Variants in SORL1 observed in about 807,000 individuals in gnomAD.
The protein encoded by SORL1 is sortilin related receptor 1.
Under a neutral mutation model 273.7 loss-of-function variants are expected in SORL1, and 127 were observed. The ratio of observed to expected loss-of-function variants is 0.46; its 90% CI spans 0.40 to 0.54. The LOEUF (loss-of-function observed/expected upper bound fraction) is 0.54. Ranked by LOEUF, SORL1 falls within the 20% of genes least tolerant of loss-of-function variation. The probability of loss-of-function intolerance (pLI) is 0.00; values close to 1 mark genes in which losing one functional copy is unlikely to be tolerated. For missense variants in SORL1, 2,494 were observed against 2,846.1 expected (o/e 0.88, Z 2.81); for synonymous variants, 1,031 against 1,067.4 (o/e 0.97, Z 0.66).
chr11:121,464,187 T>A (rs1396630416), intron 1 of SORL1, among the ~76,000 whole-genome samples: 1 of 152,336 alleles, frequency 6.6e-6, no homozygotes, highest in East Asian at 1.9e-4. Context: ...CTGCAAGCTG[T>A]GGGAGTCTAG....
chr11:121,629,429 GT>G (rs1177625302), intron 47 of SORL1, 66 bp from the exon 48 acceptor site: 1 of 824,594 alleles, frequency 1.2e-6, no homozygotes, highest in Non-Finnish European at 2.2e-6. Flanking sequence ...GGTGGGTAGA[GT>G]GGTGGGATAT....
intron 13 of SORL1, 147 bp from the exon 14 acceptor site, chr11:121,545,096 A>T: frequency 2.9e-6 from 2 of 691,990 alleles, no homozygotes; most frequent in Non-Finnish European, 4.9e-6. Flanking sequence ...CCCAGCTTCA[A>T]AACAAGCTGA....
rs750684022 is a variant in SORL1, at chr11:121,550,715, G to A, written c.2266+45G>A. On this transcript the variant is annotated intron_variant, in intron 16 of 47. Coordinates refer to ENST00000260197, the MANE Select transcript of SORL1 (RefSeq NM_003105.6). This position sits in a 1 kb window ranked among gnomAD's most constrained non-coding sequence, Gnocchi z 5.3. Reference sequence around the variant, plus strand: ...CCCTTTCATTTCTTGAGACATGGTTGAAGCAGTATCACGATCTCACCCAAG... The same window carrying A: ...CCCTTTCATTTCTTGAGACATGGTTAAAGCAGTATCACGATCTCACCCAAG... The A allele has an allele frequency of 2.0e-6, 3 of 1,498,920 alleles. No individual in the cohort carries two copies. The highest frequency in any genetic ancestry group is 1.7e-5 in the Admixed American group (1 of 58,504). 92.9% of individuals were successfully genotyped at this position (1,498,920 alleles called of 1,614,324 possible).
chr11:121,520,163 G>A (rs994266568), intron 8 of SORL1, among the ~76,000 whole-genome samples: 1 of 152,180 alleles, frequency 6.6e-6, no homozygotes, highest in Non-Finnish European at 1.5e-5. Context: ...TGAGGTGTGA[G>A]GATCATTGAG....
At chr11:121,505,454 T>A (rs1418224404) in intron 6 of SORL1, among the ~76,000 whole-genome samples, 2 of 152,048 alleles carry the variant, frequency 1.3e-5, no homozygotes, top group Non-Finnish European at 2.9e-5. Flanking sequence ...TTTCATTTAT[T>A]CCTACTGTAA....
chr11:121,559,732 C>A, intron 21 of SORL1, 75 bp downstream of exon 21: 1 of 1,425,086 alleles, frequency 7.0e-7, no homozygotes, highest in South Asian at 1.2e-5. Context: ...AATCTCTGCT[C>A]AGAGTAGGAG....
intron 2 of SORL1, among the ~76,000 whole-genome samples, chr11:121,470,695 G>C (rs925984837): frequency 1.3e-5 from 2 of 151,338 alleles, no homozygotes; most frequent in African/African-American, 2.4e-5. Flanking sequence ...TTTTTTTTGA[G>C]TTGGGGTCTG....
At chr11:121,597,700 T>TCTGCCCAC (rs1863319260) in intron 32 of SORL1, among the ~76,000 whole-genome samples, 1 of 152,190 alleles carries the variant, frequency 6.6e-6, no homozygotes, top group Non-Finnish European at 1.5e-5. Context: ...CCTCAAGTGA[T>TCTGCCCAC]CTGCCCACCT....
intron 1 of SORL1, among the ~76,000 whole-genome samples, chr11:121,463,781 C>G (rs1861039956): frequency 6.6e-6 from 1 of 152,200 alleles, no homozygotes; most frequent in African/African-American, 2.4e-5. Flanking sequence ...TGCTCGTAAA[C>G]TAGATTTCAG....
At chr11:121,604,764 C>T (rs564857962) in intron 33 of SORL1, among the ~76,000 whole-genome samples, 13 of 152,044 alleles carry the variant, frequency 8.6e-5, no homozygotes, top group African/African-American at 1.7e-4. Flanking sequence ...GAAAATATCA[C>T]GACCGGAAAA....
rs1863620353 is a variant in SORL1 at position 121,615,054 on chromosome 11, T to C, written c.5603T>C (p.Val1868Ala). 1.3e-6 allele frequency: 2 copies of C among 1,591,934 alleles called. No homozygotes were observed. The highest frequency in any genetic ancestry group is 1.4e-5 in the African/African-American group (1 of 74,028). ...VECTWTGPRN[V>A]VYGIFYATSF... ...TGTACCTGGACCGGCCCCCGGAATG[T>C]GGTGAGTCAGCCAGAATGACCATCA... The change falls in exon 41 of 48, where the codon GTG (valine) becomes GCG (alanine). Residue 1868 changes from valine (V) to alanine (A), a missense_variant and splice_region_variant. Val to Ala is a moderately conservative substitution (Grantham distance 64). Around this residue, in one of 3 missense-constraint regions of SORL1, gnomAD observed 1,609 missense variants for 1,816.4 expected, o/e 0.89. Transcript: ENST00000260197.
intron 26 of SORL1, among the ~76,000 whole-genome samples, chr11:121,584,327 C>T (rs1863060669): frequency 6.6e-6 from 1 of 152,178 alleles, no homozygotes; most frequent in Non-Finnish European, 1.5e-5. Context: ...TAGTTGCTTC[C>T]ACTAATGTAA....
At position 121,605,213 on chromosome 11, in the gene SORL1, T is replaced by A. The variant is rs3824968; in HGVS notation, c.4752T>A (p.Ala1584=). Reference sequence around the variant, plus strand: ...TGAGGCCCAAAAAAATGCCCTCTGCTTCTTGTGTATATAATGTCTACTACA... The same window carrying A: ...TGAGGCCCAAAAAAATGCCCTCTGCATCTTGTGTATATAATGTCTACTACA... ...TWMRPKKMPS[A]SCVYNVYYRV... is the part of the protein sequence containing the mutation. The change falls in exon 34 of 48, where the codon GCT becomes GCA. Residue 1584 remains alanine, a synonymous_variant. Transcript: ENST00000260197. 0.33 allele frequency: 535,983 copies of A among 1,612,564 alleles called. 95,938 individuals are homozygous for A. Among genetic ancestry groups the A allele is most frequent in the East Asian group, 0.55 (24,452 of 44,858 alleles).
intron 8 of SORL1, among the ~76,000 whole-genome samples, chr11:121,517,298 A>G (rs937473062): frequency 4.6e-5 from 7 of 151,902 alleles, no homozygotes; most frequent in African/African-American, 1.5e-4. Flanking sequence ...ATTTTTCCCT[A>G]TTTTACAGGA....
chr11:121,516,783 G>C (rs533241040), intron 8 of SORL1, among the ~76,000 whole-genome samples: 4 of 152,094 alleles, frequency 2.6e-5, no homozygotes, highest in Non-Finnish European at 1.5e-5. Flanking sequence ...GCCGGGCATG[G>C]TGGCTCACGC....
In SORL1 at chr11:121,554,449, A is replaced by G. The variant is rs1862548732; in HGVS notation, c.2439+340A>G. Reference sequence around the variant, plus strand: ...TGCCTCTTGAGCATCTTTCTTCCCAAGCCATGATACAGTAACACTTGACTT... The same window carrying G: ...TGCCTCTTGAGCATCTTTCTTCCCAGGCCATGATACAGTAACACTTGACTT... On this transcript the variant is annotated intron_variant, in intron 17 of 47. Coordinates refer to ENST00000260197, the MANE Select transcript of SORL1 (RefSeq NM_003105.6). The surrounding 1 kb of genome is among the most constrained non-coding windows in gnomAD (Gnocchi z 4.6). Among the ~76,000 whole-genome samples, 1 of 152,180 alleles carries G rather than the reference A, an allele frequency of 6.6e-6. No individual in the cohort carries two copies. The highest frequency in any genetic ancestry group is 2.1e-4 in the South Asian group (1 of 4,830).
chr11:121,561,233 C>T (rs1862667308), intron 21 of SORL1, among the ~76,000 whole-genome samples: 1 of 152,162 alleles, frequency 6.6e-6, no homozygotes, highest in Non-Finnish European at 1.5e-5. Flanking sequence ...GCAGATGAAG[C>T]CAGTGGCTAC....
intron 13 of SORL1, 97 bp downstream of exon 13, chr11:121,543,823 C>A: frequency 8.5e-7 from 1 of 1,181,978 alleles, no homozygotes; most frequent in Non-Finnish European, 1.2e-6. Context: ...TCAGAAGAGC[C>A]TGACATTCAT....
At chr11:121,499,044 C>T (rs533592305) in intron 6 of SORL1, among the ~76,000 whole-genome samples, 6 of 152,166 alleles carry the variant, frequency 3.9e-5, no homozygotes, top group Middle Eastern at 3.4e-3. Context: ...TTGATCTCAC[C>T]GATACAGTAC....
Sources: gnomAD v4.1 joint callset for allele counts (sites outside exome capture counted in the v4.1 genomes callset) on GRCh38, gnomAD v4.1.1 for gene constraint, gnomAD v4.1.1 regional missense constraint, Gnocchi (gnomAD v3.1) non-coding constraint, MANE v1.5 for transcripts, NCBI Gene and HGNC (gene_info 2026-07-23, HGNC 2026-07-21) for gene names.